The following CCNY variants were observed in gnomAD, a reference collection of about 807,000 sequenced individuals.
CCNY encodes cyclin-Y.
A neutral mutation model predicts 42.8 loss-of-function variants in CCNY; 19 were observed. The observed-to-expected ratio is 0.44, with a 90% confidence interval of 0.31 to 0.65. The LOEUF is 0.65. Among genes scored for constraint, CCNY ranks in the 30% least tolerant of loss-of-function variants. The pLI is 0.07. For missense variants in CCNY, 370 were observed against 437.3 expected, an observed-to-expected ratio of 0.85 and a Z score of 1.37; for synonymous variants, 165 against 162.7, an observed-to-expected ratio of 1.01 and a Z score of -0.11.
chr10:35,565,518 A>G (rs1301283740), intron 8 of CCNY, among the ~76,000 whole-genome samples: 1 of 152,038 alleles, frequency 6.6e-6, no homozygotes, highest in African/African-American at 2.4e-5. Context: ...CCCTCCCCCC[A>G]TAATCCCTGC....
chr10:35,304,666 C>CTGT (rs1263213974), intron 3 of CCNY, among the ~76,000 whole-genome samples: 1 of 152,146 alleles, frequency 6.6e-6, no homozygotes, highest in South Asian at 2.1e-4. Flanking sequence ...TTTTCTCAGC[C>CTGT]ACAGTACTAT....
intron 7 of CCNY, among the ~76,000 whole-genome samples, chr10:35,531,729 C>T (rs935921941): frequency 4.5e-4 from 69 of 152,256 alleles, no homozygotes; most frequent in African/African-American, 1.6e-3. Flanking sequence ...TGGAAAGTGG[C>T]GGGGATTTTT....
intron 1 of CCNY, among the ~76,000 whole-genome samples, chr10:35,404,439 AG>A (rs2135234827): frequency 6.6e-6 from 1 of 152,314 alleles, no homozygotes; most frequent in Non-Finnish European, 1.5e-5. Context: ...GAAAGGATTT[AG>A]GATCTATGGA....
chr10:35,443,507 A>G (rs1838720095), intron 1 of CCNY, among the ~76,000 whole-genome samples: 1 of 152,216 alleles, frequency 6.6e-6, no homozygotes, highest in Non-Finnish European at 1.5e-5. Context: ...GGTCAGGATC[A>G]TCAATATCAC....
intron 1 of CCNY, among the ~76,000 whole-genome samples, chr10:35,447,504 T>C (rs1238840310): frequency 6.6e-6 from 1 of 152,188 alleles, no homozygotes; most frequent in East Asian, 1.9e-4. Context: ...ATTATCTCTG[T>C]CATTTCTCAC....
intron 1 of CCNY, among the ~76,000 whole-genome samples, chr10:35,427,208 A>C (rs991727725): frequency 6.1e-4 from 93 of 152,330 alleles, no homozygotes; most frequent in Middle Eastern, 3.4e-3. Context: ...GAGTTTTGTC[A>C]GTCGAGCGTT....
chr10:35,327,405 A>AT (rs1157927689), intron 3 of CCNY, among the ~76,000 whole-genome samples: 7 of 152,162 alleles, frequency 4.6e-5, no homozygotes, highest in Non-Finnish European at 7.4e-5. Context: ...ATTCATGGGC[A>AT]TTTAGGTTGC....
At chr10:35,555,990 G>T (rs920676863) in intron 8 of CCNY, among the ~76,000 whole-genome samples, 24 of 152,104 alleles carry the variant, frequency 1.6e-4, no homozygotes, top group African/African-American at 5.1e-4. Context: ...CAGCACTATG[G>T]TTAGTAGAAT....
intron 1 of CCNY, among the ~76,000 whole-genome samples, chr10:35,452,383 A>G (rs1334341219): frequency 6.6e-6 from 1 of 152,182 alleles, no homozygotes; most frequent in Non-Finnish European, 1.5e-5. Context: ...TTTAACTCCT[A>G]CTCAGATGTC....
intron 1 of CCNY, among the ~76,000 whole-genome samples, chr10:35,458,972 G>T (rs1282563331): frequency 6.6e-6 from 1 of 152,176 alleles, no homozygotes; most frequent in African/African-American, 2.4e-5. Flanking sequence ...GGGACAGAAA[G>T]ACCAAACCTG....
At chr10:35,543,318 A>G (rs957231597) in intron 7 of CCNY, among the ~76,000 whole-genome samples, 1 of 152,220 alleles carries the variant, frequency 6.6e-6, no homozygotes, top group Non-Finnish European at 1.5e-5. Context: ...CCATGGGTCG[A>G]AGTCTGAAGG....
chr10:35,544,408 T>A (rs1362015309), intron 7 of CCNY, among the ~76,000 whole-genome samples: 1 of 152,230 alleles, frequency 6.6e-6, no homozygotes, highest in Admixed American at 6.5e-5. Context: ...AGGTTTGCAG[T>A]CTTGGAGCAA....
chr10:35,552,765 G>A (rs1362990671), intron 7 of CCNY, among the ~76,000 whole-genome samples: 1 of 152,212 alleles, frequency 6.6e-6, no homozygotes, highest in African/African-American at 2.4e-5. Context: ...ATTAGCCTGT[G>A]CTTCCTGGAA....
chr10:35,524,497 C>A (rs925347026), intron 4 of CCNY, among the ~76,000 whole-genome samples: 3 of 152,194 alleles, frequency 2.0e-5, no homozygotes, highest in African/African-American at 7.2e-5. Flanking sequence ...ATCCAAGGTG[C>A]GTGCTCATGT....
chr10:35,450,632 C>T (rs1167319277), intron 1 of CCNY, among the ~76,000 whole-genome samples: 1 of 151,490 alleles, frequency 6.6e-6, no homozygotes, highest in Non-Finnish European at 1.5e-5. Context: ...TGTGGAGCTA[C>T]ATCTTTATTT....
intron 3 of CCNY, among the ~76,000 whole-genome samples, chr10:35,264,563 T>C (rs2095723007): frequency 6.6e-6 from 1 of 152,172 alleles, no homozygotes. Flanking sequence ...TCTCTAATGA[T>C]CAGTATTGTT....
intron 3 of CCNY, among the ~76,000 whole-genome samples, chr10:35,504,430 A>G (rs112818779): frequency 0.031 from 4,795 of 152,276 alleles, 238 homozygotes; most frequent in African/African-American, 0.11. Context: ...AACAGCCAAG[A>G]GAGACTCAGA....
At chr10:35,483,266 C>CT in intron 1 of CCNY, 138 bp from the exon 2 acceptor site, 2 of 637,232 alleles carry the variant, frequency 3.1e-6, no homozygotes, top group Non-Finnish European at 5.6e-6. Context: ...CCAAAAGAAT[C>CT]TATTAACATA....
chr10:35,367,983 A>G (rs545152188), intron 1 of CCNY, among the ~76,000 whole-genome samples: 2 of 152,350 alleles, frequency 1.3e-5, no homozygotes, highest in African/African-American at 2.4e-5. Context: ...TCATACTTGG[A>G]AGTCTGTTAG....
Sources: gnomAD v4.1 joint callset for allele counts (sites outside exome capture counted in the v4.1 genomes callset) on GRCh38, gnomAD v4.1.1 for gene constraint, MANE v1.5 for transcripts, NCBI Gene and HGNC (gene_info 2026-07-23, HGNC 2026-07-21) for gene names.